CNTNAP2: variants seen among roughly 807,000 people sequenced by gnomAD.
The protein encoded by CNTNAP2 is contactin-associated protein-like 2.
Under a neutral mutation model 155.2 loss-of-function variants are expected in CNTNAP2, and 98 were observed. The observed-to-expected ratio is 0.63, with a 90% confidence interval of 0.54 to 0.75. The LOEUF (loss-of-function observed/expected upper bound fraction) is 0.75. Ranked by LOEUF, CNTNAP2 falls within the 30% of genes least tolerant of loss-of-function variation. The pLI is 0.00. For missense variants in CNTNAP2, 1,727 were observed against 1,688.1 expected (o/e 1.02, Z -0.40); for synonymous variants, 651 against 631.2 (o/e 1.03, Z -0.47).
intron 13 of CNTNAP2, among the ~76,000 whole-genome samples, chr7:147,658,199 G>A (rs1426571781): frequency 3.5e-5 from 4 of 114,634 alleles, no homozygotes; most frequent in Non-Finnish European, 7.9e-5. Context: ...GGAGCTTGCA[G>A]TGAGCCGAGA....
intron 14 of CNTNAP2, among the ~76,000 whole-genome samples, chr7:147,970,084 C>T (rs995814261): frequency 6.6e-6 from 1 of 151,900 alleles, no homozygotes; most frequent in African/African-American, 2.4e-5. Context: ...TGTACACCAC[C>T]ATGCCTGGCT....
rs940443592 is a variant in CNTNAP2 at position 146,954,363 on chromosome 7, G to A, written c.403-89544G>A. On this transcript the variant is annotated intron_variant, in intron 3 of 23. Coordinates refer to ENST00000361727, the MANE Select transcript of CNTNAP2 (RefSeq NM_014141.6). ...AATGTAATGGAAATGCTGCACTAATGGCTCATTAAACATGGAAAGTATGCA... is the reference window on the plus strand; with the variant it reads ...AATGTAATGGAAATGCTGCACTAATAGCTCATTAAACATGGAAAGTATGCA... Among the ~76,000 whole-genome samples the A allele has an allele frequency of 2.6e-5, 4 of 151,942 alleles. No homozygotes were observed. The South Asian group carries it at 8.3e-4, about 31-fold the overall frequency.
chr7:147,079,574 C>A (rs1315709517), intron 4 of CNTNAP2, among the ~76,000 whole-genome samples: 2 of 149,974 alleles, frequency 1.3e-5, no homozygotes, highest in East Asian at 3.9e-4. Context: ...TGCACATGTA[C>A]CCTAAAACTT....
Position 146,281,852 on chromosome 7 carries a change from T to C in CNTNAP2, c.97+164879T>C, listed in dbSNP as rs144691105. ...TTCCTTACTTGTAAAAGTGTAACTATATCATAGGATTCTAGTGAGGATAAA... is the reference window on the plus strand; with the variant it reads ...TTCCTTACTTGTAAAAGTGTAACTACATCATAGGATTCTAGTGAGGATAAA... On this transcript the variant is annotated intron_variant, in intron 1 of 23. Coordinates refer to ENST00000361727, the MANE Select transcript of CNTNAP2 (RefSeq NM_014141.6). 2.0e-4 allele frequency among the ~76,000 whole-genome samples: 31 copies of C among 152,274 alleles called. No homozygotes were observed. The East Asian group carries it at 5.8e-3, about 28-fold the overall frequency.
At position 147,048,323 on chromosome 7, in the gene CNTNAP2, T is replaced by A. The variant is rs550287159; in HGVS notation, c.550+4269T>A. Among the ~76,000 whole-genome samples, 14 of 152,140 alleles carry A rather than the reference T, an allele frequency of 9.2e-5. 1 individual carries two copies. Among genetic ancestry groups the A allele is most frequent in the Admixed American group, 7.9e-4 (12 of 15,276 alleles). On this transcript the variant is annotated intron_variant, in intron 4 of 23. Transcript: ENST00000361727. ...AACACCTTGGAACCAGAGGCTGTAGTGATATGGCGATAAGCCAAGGAAGGC... is the reference window on the plus strand; with the variant it reads ...AACACCTTGGAACCAGAGGCTGTAGAGATATGGCGATAAGCCAAGGAAGGC...
chr7:146,965,791 C>T (rs1298485945), intron 3 of CNTNAP2, among the ~76,000 whole-genome samples: 1 of 152,142 alleles, frequency 6.6e-6, no homozygotes, highest in Non-Finnish European at 1.5e-5. Flanking sequence ...GAATTAGACA[C>T]ATCATGGAAA....
Position 146,316,569 on chromosome 7 carries a change from A to G in CNTNAP2, c.97+199596A>G, listed in dbSNP as rs1489489724. Among the ~76,000 whole-genome samples the G allele has an allele frequency of 5.3e-5, 8 of 152,266 alleles. No homozygotes were observed. The East Asian group carries it at 1.5e-3, about 29-fold the overall frequency. On this transcript the variant is annotated intron_variant, in intron 1 of 23. Coordinates refer to ENST00000361727, the MANE Select transcript of CNTNAP2 (RefSeq NM_014141.6). ...ATTACATATTAAAAAAAATTATGTC[A>G]TAAGTCCACCCGTGGTGGGAGATAA...
intron 11 of CNTNAP2, among the ~76,000 whole-genome samples, chr7:147,524,410 C>T (rs1267934822): frequency 3.9e-5 from 6 of 152,124 alleles, no homozygotes; most frequent in African/African-American, 1.4e-4. Flanking sequence ...AACAAAAAAG[C>T]GTGGCTCTGT....
At position 147,395,762 on chromosome 7, in the gene CNTNAP2, T is replaced by C; in HGVS notation, c.1652T>C (p.Met551Thr). ...AGTTTCGCGAATGTCAGCATTGACATGTGTGCGATCATAGACAGGTAAATG... is the reference window on the plus strand; with the variant it reads ...AGTTTCGCGAATGTCAGCATTGACACGTGTGCGATCATAGACAGGTAAATG... Reference protein sequence around the residue: ...PGSFANVSIDMCAIIDRCVPN... With the variant: ...PGSFANVSIDTCAIIDRCVPN... Residue 551 changes from methionine to threonine, a missense_variant, in exon 10 of 24, where the codon ATG becomes ACG. Physicochemically the swap from Met to Thr is moderately conservative, Grantham distance 81. Coordinates refer to ENST00000361727, the MANE Select transcript of CNTNAP2 (RefSeq NM_014141.6). 1 of 1,612,298 alleles carries C rather than the reference T, an allele frequency of 6.2e-7. No individual in the cohort carries two copies. The highest frequency in any genetic ancestry group is 8.5e-7 in the Non-Finnish European group (1 of 1,178,666).
intron 13 of CNTNAP2, among the ~76,000 whole-genome samples, chr7:147,762,166 C>T (rs1797312943): frequency 6.6e-6 from 1 of 151,462 alleles, no homozygotes; most frequent in Non-Finnish European, 1.5e-5. Flanking sequence ...CACACACACA[C>T]ACACACACAC....
chr7:146,382,482 C>A, intron 1 of CNTNAP2, among the ~76,000 whole-genome samples: 1 of 152,052 alleles, frequency 6.6e-6, no homozygotes, highest in Non-Finnish European at 1.5e-5. Flanking sequence ...CTGAGGTTTT[C>A]TGAAAACTAT....
chr7:148,042,047 G>C (rs1404145432), intron 15 of CNTNAP2, among the ~76,000 whole-genome samples: 1 of 152,178 alleles, frequency 6.6e-6, no homozygotes, highest in Non-Finnish European at 1.5e-5. Context: ...GTCAGCTGAA[G>C]TTACAGAAGG....
intron 6 of CNTNAP2, chr7:147,122,284 A>G (rs1366205470): frequency 6.6e-6 from 1 of 152,250 alleles, no homozygotes; most frequent in Non-Finnish European, 1.5e-5. Context: ...AAAGGGACAC[A>G]ATGCTATTAC....
At chr7:146,224,591 C>CA (rs35333614) in intron 1 of CNTNAP2, among the ~76,000 whole-genome samples, 19 of 148,334 alleles carry the variant, frequency 1.3e-4, no homozygotes, top group African/African-American at 2.0e-4. Context: ...ACAAAAAATA[C>CA]AAAAAAAAAA....
chr7:147,956,300 CAA>C (rs11302995), intron 14 of CNTNAP2, among the ~76,000 whole-genome samples: 523 of 139,022 alleles, frequency 3.8e-3, no homozygotes, highest in Middle Eastern at 0.011. Context: ...TGGCAGGGGG[CAA>C]AAAAAAAAAA....
At position 147,919,484 on chromosome 7, in the gene CNTNAP2, A is replaced by G. The variant is rs1221621308; in HGVS notation, c.2255+15763A>G. Among the ~76,000 whole-genome samples, 9 of 14,908 alleles carry G rather than the reference A, an allele frequency of 6.0e-4. 2 individuals are homozygous for G. The highest frequency in any genetic ancestry group is 8.8e-4 in the Non-Finnish European group (7 of 7,962). The allele number at this position is 14,908 out of a possible 152,430, so 9.8% of individuals were successfully genotyped here. The stretch of plus-strand genomic sequence containing the variant: ...CTTTTTTTTTTTTTTTTTGAGACAG[A>G]GTCTTGCTCTGTCTCCCAGGCTGGA... On this transcript the variant is annotated intron_variant, in intron 14 of 23. Coordinates refer to ENST00000361727, the MANE Select transcript of CNTNAP2 (RefSeq NM_014141.6).
chr7:146,905,806 G>A (rs1349831120), intron 3 of CNTNAP2, among the ~76,000 whole-genome samples: 1 of 152,204 alleles, frequency 6.6e-6, no homozygotes, highest in Non-Finnish European at 1.5e-5. Context: ...CAAGATGGCC[G>A]AATAGGAACA....
intron 13 of CNTNAP2, among the ~76,000 whole-genome samples, chr7:147,660,423 A>G (rs28409404): frequency 0.033 from 4,956 of 152,124 alleles, 257 homozygotes; most frequent in African/African-American, 0.11. Context: ...ACCCTTCCCA[A>G]TTTCACAGGA....
chr7:148,097,999 G>A (rs1033503948), intron 15 of CNTNAP2, among the ~76,000 whole-genome samples: 1 of 152,198 alleles, frequency 6.6e-6, no homozygotes, highest in Non-Finnish European at 1.5e-5. Context: ...GACCAAAGAT[G>A]ACTAGATTGA....
Sources: allele counts gnomAD v4.1 joint callset (sites outside exome capture counted in the v4.1 genomes callset), GRCh38; gene constraint gnomAD v4.1.1; transcripts MANE v1.5; gene names NCBI Gene and HGNC (gene_info 2026-07-23, HGNC 2026-07-21).